The following AGPAT4 variants were observed in gnomAD, a reference collection of about 807,000 sequenced individuals.
AGPAT4 encodes 1-acylglycerol-3-phosphate O-acyltransferase 4, also known as 1-acyl-sn-glycerol-3-phosphate acyltransferase delta.
A neutral mutation model predicts 48.0 loss-of-function variants in AGPAT4; 15 were observed. That is an observed-to-expected ratio of 0.31 (90% CI 0.21 to 0.48). AGPAT4 has a LOEUF of 0.48. Ranked by LOEUF, AGPAT4 falls within the 20% of genes least tolerant of loss-of-function variation. AGPAT4 has a pLI of 0.99. For synonymous variants in AGPAT4, 178 were observed against 198.7 expected (o/e 0.90, Z 0.88); for missense variants, 314 against 482.5 (o/e 0.65, Z 3.27).
At position 161,138,816 on chromosome 6, in the gene AGPAT4, C is replaced by T. The variant is rs1157728284; in HGVS notation, c.1042+606G>A. Among the ~76,000 whole-genome samples the T allele has an allele frequency of 3.9e-5, 6 of 152,148 alleles. No individual in the cohort carries two copies. Among genetic ancestry groups the T allele is most frequent in the African/African-American group, 1.4e-4 (6 of 41,432 alleles). ...CCAGGAAGCACGGACCTGCTGTTCA[C>T]AGGGCAGGAAGCAGGCACGACAGGC... On this transcript the variant is annotated intron_variant, in intron 8 of 8. Coordinates refer to ENST00000320285, the MANE Select transcript of AGPAT4 (RefSeq NM_020133.3). This position sits in a 1 kb window ranked among gnomAD's most constrained non-coding sequence, Gnocchi z 4.8.
Position 161,149,083 on chromosome 6 carries a change from C to G in AGPAT4, c.767+104G>C. 7.0e-7 allele frequency: 1 copy of G among 1,421,960 alleles called. No individual in the cohort carries two copies. The highest frequency in any genetic ancestry group is 2.4e-5 in the East Asian group (1 of 40,890). The allele number at this position is 1,421,960 out of a possible 1,614,324, so 88.1% of individuals were successfully genotyped here. On this transcript the variant is annotated intron_variant, in intron 6 of 8. Coordinates refer to ENST00000320285, the MANE Select transcript of AGPAT4 (RefSeq NM_020133.3). The surrounding 1 kb of genome is among the most constrained non-coding windows in gnomAD (Gnocchi z 6.5). ...AATGCAAAACAGACTGCAAAGAAGTCAGTGTGACCCAGGGATCCCTGGAAG... is the reference window on the plus strand; with the variant it reads ...AATGCAAAACAGACTGCAAAGAAGTGAGTGTGACCCAGGGATCCCTGGAAG...
intron 1 of AGPAT4, among the ~76,000 whole-genome samples, chr6:161,258,555 C>T (rs1316198608): frequency 3.3e-5 from 5 of 152,124 alleles, no homozygotes; most frequent in Non-Finnish European, 7.3e-5. Context: ...GCAATAACCT[C>T]TCACAGTCCT....
rs982512585 is a variant in AGPAT4, at chr6:161,266,868, C to G, written c.-90+7070G>C. Among the ~76,000 whole-genome samples, 1 of 152,148 alleles carries G rather than the reference C, an allele frequency of 6.6e-6. No individual in the cohort carries two copies. The highest frequency in any genetic ancestry group is 1.5e-5 in the Non-Finnish European group (1 of 68,042). ...CAGAAGACTGACAGCTCACGAGGAG[C>G]CCATGGAGATGGGCAAGAGACCAAA... is the stretch of plus-strand genomic sequence containing the variant. On this transcript the variant is annotated intron_variant, in intron 1 of 8. Coordinates refer to ENST00000320285, the MANE Select transcript of AGPAT4 (RefSeq NM_020133.3). The surrounding 1 kb of genome is among the most constrained non-coding windows in gnomAD (Gnocchi z 6.2).
At chr6:161,190,153 C>T (rs1012244160) in intron 2 of AGPAT4, among the ~76,000 whole-genome samples, 13 of 152,112 alleles carry the variant, frequency 8.5e-5, no homozygotes, top group African/African-American at 3.1e-4. Flanking sequence ...ATAAGGAACA[C>T]GGGATTTTTA....
rs143846920 is a variant in AGPAT4 at position 161,143,872 on chromosome 6, AT to A, written c.843+2651del. On this transcript the variant is annotated intron_variant, in intron 7 of 8. Transcript: ENST00000320285. This position sits in a 1 kb window ranked among gnomAD's most constrained non-coding sequence, Gnocchi z 4.7. ...GGCACACCTCTGTTGGCTGCCTGCC[AT>A]TCCCCTCCCATTTTGCAGAAACTTT... The A allele has an allele frequency of 0.011, 3,227 of 303,424 alleles. 98 individuals are homozygous for A. Among genetic ancestry groups the A allele is most frequent in the African/African-American group, 0.066 (2,992 of 45,528 alleles). The allele number at this position is 303,424 out of a possible 1,614,324, so 18.8% of individuals were successfully genotyped here. A position where few individuals can be genotyped will look rare whatever the true frequency, so the allele number is the denominator to read the frequency against.
At position 161,149,125 on chromosome 6, in the gene AGPAT4, T is replaced by A; in HGVS notation, c.767+62A>T. On this transcript the variant is annotated intron_variant, in intron 6 of 8. Coordinates refer to ENST00000320285, the MANE Select transcript of AGPAT4 (RefSeq NM_020133.3). This position sits in a 1 kb window ranked among gnomAD's most constrained non-coding sequence, Gnocchi z 6.5. ...CCCTGGAAGAAAGTCTCTAGGTCAT[T>A]TGTGATGTGTTTACTTTGAAATGGG... The A allele has an allele frequency of 1.3e-6, 2 of 1,575,478 alleles. No homozygotes were observed. Among genetic ancestry groups the A allele is most frequent in the Non-Finnish European group, 1.7e-6 (2 of 1,163,302 alleles).
Position 161,154,348 on chromosome 6 carries a change from G to T in AGPAT4, c.349-38C>A. ...AAGGAGCCCAGGTGCCCATGAAGGA[G>T]ACGTCAGAGCCACCTGCCGGGGCTG... On this transcript the variant is annotated intron_variant, in intron 3 of 8. Transcript: ENST00000320285. The surrounding 1 kb of genome is among the most constrained non-coding windows in gnomAD (Gnocchi z 7.8). The T allele has an allele frequency of 6.2e-7, 1 of 1,612,528 alleles. No homozygotes were observed. The highest frequency in any genetic ancestry group is 1.1e-5 in the South Asian group (1 of 91,002).
chr6:161,220,201 T>C lies in AGPAT4; in HGVS notation c.178+11835A>G, dbSNP rs1375092327. On this transcript the variant is annotated intron_variant, in intron 2 of 8. Transcript: ENST00000320285. This position sits in a 1 kb window ranked among gnomAD's most constrained non-coding sequence, Gnocchi z 6.0. ...GCTATCACCAGATGACCTGAGCTAA[T>C]AACACACTAATGTCATCATCAGACC... Among the ~76,000 whole-genome samples the C allele has an allele frequency of 2.0e-5, 3 of 152,170 alleles. No individual in the cohort carries two copies. Among genetic ancestry groups the C allele is most frequent in the Non-Finnish European group, 4.4e-5 (3 of 68,036 alleles).
intron 1 of AGPAT4, among the ~76,000 whole-genome samples, chr6:161,273,626 G>A (rs1422354143): frequency 6.6e-6 from 1 of 152,034 alleles, no homozygotes; most frequent in Non-Finnish European, 1.5e-5. Context: ...GCCCCGGGAG[G>A]GGGCTGGGTG....
In AGPAT4 at chr6:161,259,906, A is replaced by G. The variant is rs1180048748; in HGVS notation, c.-90+14032T>C. ...GGGCCGAGTCGTAAGTTCACCATTG[A>G]GTCACATCCTGGTTCTTGCTTCCCT... On this transcript the variant is annotated intron_variant, in intron 1 of 8. Transcript: ENST00000320285. The surrounding 1 kb of genome is among the most constrained non-coding windows in gnomAD (Gnocchi z 4.9). Among the ~76,000 whole-genome samples the G allele has an allele frequency of 6.6e-6, 1 of 152,186 alleles. No homozygotes were observed. The highest frequency in any genetic ancestry group is 2.4e-5 in the African/African-American group (1 of 41,454).
chr6:161,241,787 C>T (rs2115044354), intron 1 of AGPAT4, among the ~76,000 whole-genome samples: 1 of 152,348 alleles, frequency 6.6e-6, no homozygotes, highest in African/African-American at 2.4e-5. Context: ...GGCTGGAGTG[C>T]AGTGGCACAA....
rs1163900227 is a variant in AGPAT4 at position 161,246,978 on chromosome 6, C to T, written c.-89-14676G>A. On this transcript the variant is annotated intron_variant, in intron 1 of 8. Coordinates refer to ENST00000320285, the MANE Select transcript of AGPAT4 (RefSeq NM_020133.3). The surrounding 1 kb of genome is among the most constrained non-coding windows in gnomAD (Gnocchi z 5.5). ...GGCAGATGACACACCAAGTTATTCT[C>T]CCTGCAAAATCCACGCAGATGAACC... 6.6e-6 allele frequency among the ~76,000 whole-genome samples: 1 copy of T among 152,224 alleles called. No individual in the cohort carries two copies. Among genetic ancestry groups the T allele is most frequent in the Non-Finnish European group, 1.5e-5 (1 of 68,038 alleles).
Position 161,242,870 on chromosome 6 carries a change from C to A in AGPAT4, c.-89-10568G>T, listed in dbSNP as rs1353636838. Among the ~76,000 whole-genome samples the A allele has an allele frequency of 1.3e-5, 2 of 152,170 alleles. No homozygotes were observed. The highest frequency in any genetic ancestry group is 1.9e-4 in the East Asian group (1 of 5,172). On this transcript the variant is annotated intron_variant, in intron 1 of 8. Transcript: ENST00000320285. This position sits in a 1 kb window ranked among gnomAD's most constrained non-coding sequence, Gnocchi z 5.0. The stretch of plus-strand genomic sequence containing the variant: ...CTCACCTGAGGTCAGGAGATCGAGG[C>A]CAGCCTGGCCAACATAGTGAAACCC...
chr6:161,172,374 G>T (rs1780290121), intron 2 of AGPAT4, among the ~76,000 whole-genome samples: 1 of 152,162 alleles, frequency 6.6e-6, no homozygotes, highest in South Asian at 2.1e-4. Flanking sequence ...GAGCACAGGG[G>T]GCACCCCATC....
chr6:161,184,375 T>C lies in AGPAT4; in HGVS notation c.179-17958A>G, dbSNP rs1489727102. On this transcript the variant is annotated intron_variant, in intron 2 of 8. Coordinates refer to ENST00000320285, the MANE Select transcript of AGPAT4 (RefSeq NM_020133.3). This position sits in a 1 kb window ranked among gnomAD's most constrained non-coding sequence, Gnocchi z 4.8. ...AGGAGTGAAGCTAAGGTTTTTGTCC[T>C]GAATAGCTGGGGAAGGACTTGCTGT... Among the ~76,000 whole-genome samples, 1 of 152,012 alleles carries C rather than the reference T, an allele frequency of 6.6e-6. No homozygotes were observed. Among genetic ancestry groups the C allele is most frequent in the Non-Finnish European group, 1.5e-5 (1 of 68,004 alleles).
At chr6:161,193,457 G>A (rs566713518) in intron 2 of AGPAT4, among the ~76,000 whole-genome samples, 18 of 152,290 alleles carry the variant, frequency 1.2e-4, no homozygotes, top group South Asian at 6.2e-4. Context: ...CAGAGCATCC[G>A]GGGGATCTGA....
At chr6:161,152,902 TTTC>T (rs577576805) in intron 5 of AGPAT4, among the ~76,000 whole-genome samples, 122 of 152,314 alleles carry the variant, frequency 8.0e-4, no homozygotes, top group African/African-American at 2.7e-3. Context: ...TTGTTGCTAT[TTTC>T]TTCTTCTTAC....
rs954698745 is a variant in AGPAT4 at position 161,164,658 on chromosome 6, T to G, written c.348+1590A>C. ...CAAACTGAGGCTCTGGGGGTTTATT[T>G]ATAAAATGTGGATAATAATATCCTA... On this transcript the variant is annotated intron_variant, in intron 3 of 8. Transcript: ENST00000320285. The surrounding 1 kb of genome is among the most constrained non-coding windows in gnomAD (Gnocchi z 7.4). Among the ~76,000 whole-genome samples the G allele has an allele frequency of 2.0e-5, 3 of 152,168 alleles. No homozygotes were observed. The highest frequency in any genetic ancestry group is 2.9e-5 in the Non-Finnish European group (2 of 68,038).
intron 2 of AGPAT4, among the ~76,000 whole-genome samples, chr6:161,173,517 T>C (rs1161185174): frequency 1.3e-5 from 2 of 152,238 alleles, no homozygotes; most frequent in African/African-American, 2.4e-5. Flanking sequence ...TAGATCTGTT[T>C]AAGTTCATTG....
Sources: allele counts gnomAD v4.1 joint callset (sites outside exome capture counted in the v4.1 genomes callset), GRCh38; gene constraint gnomAD v4.1.1; non-coding constraint Gnocchi (gnomAD v3.1); transcripts MANE v1.5; gene names NCBI Gene and HGNC (gene_info 2026-07-23, HGNC 2026-07-21).